The following FAM178B variants were observed in gnomAD, a reference collection of about 807,000 sequenced individuals.
The protein encoded by FAM178B is family with sequence similarity 178 member B.
Under a neutral mutation model 91.7 loss-of-function variants are expected in FAM178B, and 82 were observed. The ratio of observed to expected loss-of-function variants is 0.89; its 90% CI spans 0.75 to 1.07. The LOEUF is 1.07. FAM178B is among the 50% of genes least tolerant of loss of function. The pLI is 0.00. For synonymous variants in FAM178B, 368 were observed against 359.4 expected (o/e 1.02, Z -0.27); for missense variants, 769 against 846.7 (o/e 0.91, Z 1.14).
At chr2:96,926,324 C>G (rs554979771) in intron 9 of FAM178B, among the ~76,000 whole-genome samples, 25 of 152,184 alleles carry the variant, frequency 1.6e-4, no homozygotes, top group Admixed American at 9.2e-4. Flanking sequence ...AAAAGAAAAC[C>G]AAGTGGCCAA....
At chr2:96,923,642 GTGAGGCGCAAAGTGGGACACTGCTGCCC>G in intron 9 of FAM178B, 59 bp from the exon 10 acceptor site, 2 of 1,339,246 alleles carry the variant, frequency 1.5e-6, no homozygotes, top group South Asian at 2.5e-5. Flanking sequence ...AGGGGCAGGA[GTGAGGCGCAAAGTGGGACACTGCTGCCC>G]TGAGGCTGCT....
chr2:96,958,413 C>T (rs2153374401), intron 6 of FAM178B, among the ~76,000 whole-genome samples: 1 of 152,060 alleles, frequency 6.6e-6, no homozygotes, highest in East Asian at 1.9e-4. Context: ...GAAGGCCAGG[C>T]GCAGTGGCTC....
chr2:96,930,867 TG>T (rs2153371740), intron 8 of FAM178B, among the ~76,000 whole-genome samples: 1 of 152,294 alleles, frequency 6.6e-6, no homozygotes, highest in African/African-American at 2.4e-5. Flanking sequence ...GGGAGCTGGT[TG>T]CCCCTTTTAC....
At chr2:96,887,621 G>A (rs2080560783) in intron 14 of FAM178B, among the ~76,000 whole-genome samples, 1 of 152,240 alleles carries the variant, frequency 6.6e-6, no homozygotes, top group Non-Finnish European at 1.5e-5. Flanking sequence ...AAATGTCGCA[G>A]TGTGATGTGC....
chr2:96,876,903 AG>A (rs1223800986), intron 16 of FAM178B, among the ~76,000 whole-genome samples: 1 of 152,084 alleles, frequency 6.6e-6, no homozygotes, highest in African/African-American at 2.4e-5. Flanking sequence ...GCACCAGCAC[AG>A]GGGCTGAAGT....
chr2:96,898,967 G>A (rs1195102773), intron 13 of FAM178B, among the ~76,000 whole-genome samples: 2 of 152,258 alleles, frequency 1.3e-5, no homozygotes, highest in East Asian at 3.8e-4. Context: ...ATTGGGAAAG[G>A]GGCATGTGGG....
At chr2:96,885,671 TC>T in intron 14 of FAM178B, among the ~76,000 whole-genome samples, 1 of 151,826 alleles carries the variant, frequency 6.6e-6, no homozygotes, top group Admixed American at 6.6e-5. Context: ...GGCGGAGGGC[TC>T]CCACCCAGTC....
chr2:96,932,365 C>T (rs1284373950), intron 8 of FAM178B, among the ~76,000 whole-genome samples: 2 of 152,180 alleles, frequency 1.3e-5, no homozygotes, highest in Admixed American at 6.5e-5. Flanking sequence ...TGGGAGGCCT[C>T]GGGACAGTTA....
At chr2:96,882,847 G>A (rs1384409279) in intron 14 of FAM178B, among the ~76,000 whole-genome samples, 1 of 152,248 alleles carries the variant, frequency 6.6e-6, no homozygotes, top group Non-Finnish European at 1.5e-5. Flanking sequence ...TAGTCAGGCT[G>A]GGAAGCCCTA....
At chr2:96,908,102 A>G (rs2081088856) in intron 12 of FAM178B, among the ~76,000 whole-genome samples, 1 of 152,206 alleles carries the variant, frequency 6.6e-6, no homozygotes, top group Admixed American at 6.5e-5. Flanking sequence ...CCAGGTGGGA[A>G]GAACAAGGGG....
At chr2:96,901,008 A>G (rs1433799636) in intron 13 of FAM178B, among the ~76,000 whole-genome samples, 2 of 152,058 alleles carry the variant, frequency 1.3e-5, no homozygotes, top group African/African-American at 4.8e-5. Flanking sequence ...GATTCCAGGA[A>G]GATTACTGCG....
intron 1 of FAM178B, among the ~76,000 whole-genome samples, chr2:96,974,888 C>T (rs111688742): frequency 4.6e-5 from 7 of 151,890 alleles, no homozygotes; most frequent in African/African-American, 9.6e-5. Context: ...GTCAAGAGTT[C>T]GAGACCAGCC....
intron 8 of FAM178B, among the ~76,000 whole-genome samples, chr2:96,941,528 G>A (rs1298164670): frequency 6.6e-6 from 1 of 152,192 alleles, no homozygotes; most frequent in Admixed American, 6.5e-5. Flanking sequence ...AGCTCGAGGA[G>A]AACAAAGGGA....
At chr2:96,888,677 A>T (rs543568461) in intron 14 of FAM178B, among the ~76,000 whole-genome samples, 1 of 152,322 alleles carries the variant, frequency 6.6e-6, no homozygotes, top group South Asian at 2.1e-4. Flanking sequence ...GAAGCAGTAA[A>T]ACTTGTTTGC....
chr2:96,978,119 A>G lies in FAM178B; in HGVS notation c.74-5513T>C, dbSNP rs79088871. Among the ~76,000 whole-genome samples, 290 of 152,270 alleles carry G rather than the reference A, an allele frequency of 1.9e-3. 8 individuals are homozygous for G. The East Asian group carries it at 0.05, about 26-fold the overall frequency. Reference sequence around the variant, plus strand: ...TTCTCTTCTTTCCTCACCTTAGTGCACGGAAGTCGTCTCATCTCAGCATCC... The same window carrying G: ...TTCTCTTCTTTCCTCACCTTAGTGCGCGGAAGTCGTCTCATCTCAGCATCC... On this transcript the variant is annotated intron_variant, in intron 1 of 16. Transcript: ENST00000490605.
chr2:96,903,264 C>T (rs2080969070), intron 12 of FAM178B, among the ~76,000 whole-genome samples: 2 of 152,348 alleles, frequency 1.3e-5, no homozygotes, highest in Middle Eastern at 3.4e-3. Context: ...TAGTCTCGAT[C>T]TCCTGACCTC....
chr2:96,952,691 A>C (rs958435453), intron 6 of FAM178B, among the ~76,000 whole-genome samples: 2 of 152,198 alleles, frequency 1.3e-5, no homozygotes, highest in Non-Finnish European at 2.9e-5. Flanking sequence ...GCTCCTGGTC[A>C]TCCCCAGAGA....
chr2:96,941,973 C>T (rs754877694), intron 8 of FAM178B, among the ~76,000 whole-genome samples: 12 of 152,086 alleles, frequency 7.9e-5, no homozygotes, highest in East Asian at 3.9e-4. Flanking sequence ...TGTTTGCCTT[C>T]GAAACCAAAT....
intron 6 of FAM178B, among the ~76,000 whole-genome samples, chr2:96,955,626 G>C (rs2153373991): frequency 6.6e-6 from 1 of 152,364 alleles, no homozygotes; most frequent in African/African-American, 2.4e-5. Flanking sequence ...GTTGCAGTGA[G>C]CTGAGATTGC....
Sources: gnomAD v4.1 joint callset for allele counts (sites outside exome capture counted in the v4.1 genomes callset) on GRCh38, gnomAD v4.1.1 for gene constraint, MANE v1.5 for transcripts, NCBI Gene and HGNC (gene_info 2026-07-23, HGNC 2026-07-21) for gene names.